SOX6: variants seen among roughly 807,000 people sequenced by gnomAD.
SOX6 encodes SRY-box transcription factor 6.
SOX6 carries 11 observed loss-of-function variants against 97.8 expected under a neutral mutation model. The ratio of observed to expected loss-of-function variants is 0.11; its 90% confidence interval spans 0.07 to 0.19. The LOEUF (loss-of-function observed/expected upper bound fraction) is 0.19. SOX6 is among the 10% of genes least tolerant of loss of function. The pLI is 1.00. For missense variants in SOX6, 810 were observed against 1,039.5 expected (o/e 0.78, Z 3.04); for synonymous variants, 360 against 371.4 (o/e 0.97, Z 0.35).
intron 9 of SOX6, among the ~76,000 whole-genome samples, chr11:16,074,757 T>C (rs1370443459): frequency 6.6e-6 from 1 of 152,176 alleles, no homozygotes; most frequent in Non-Finnish European, 1.5e-5. Flanking sequence ...TGCTCATGGA[T>C]AGGATGACTC....
At chr11:16,706,738 C>T (rs1014694459) in intron 3 of SOX6, among the ~76,000 whole-genome samples, 2 of 150,614 alleles carry the variant, frequency 1.3e-5, no homozygotes, top group South Asian at 2.1e-4. Flanking sequence ...AGACCCTGTA[C>T]ATTTTCATTA....
intron 3 of SOX6, among the ~76,000 whole-genome samples, chr11:16,295,147 G>T (rs1019461039): frequency 6.6e-6 from 1 of 152,074 alleles, no homozygotes. Context: ...AAAAGGAATT[G>T]AGAGAAACTA....
At chr11:16,683,605 A>C (rs1224036772) in intron 3 of SOX6, among the ~76,000 whole-genome samples, 1 of 152,214 alleles carries the variant, frequency 6.6e-6, no homozygotes, top group Non-Finnish European at 1.5e-5. Context: ...TAAAGACTTA[A>C]ATGTTAGACC....
At chr11:16,086,021 C>T (rs1423274742) in intron 9 of SOX6, among the ~76,000 whole-genome samples, 1 of 152,128 alleles carries the variant, frequency 6.6e-6, no homozygotes, top group African/African-American at 2.4e-5. Flanking sequence ...ACACTTTCCC[C>T]ACAAGCTTCA....
intron 2 of SOX6, among the ~76,000 whole-genome samples, chr11:16,735,000 T>G (rs1046673052): frequency 6.6e-6 from 1 of 152,218 alleles, no homozygotes; most frequent in Non-Finnish European, 1.5e-5. Flanking sequence ...CTTATTTTAA[T>G]TATAGGCTTA....
At chr11:16,013,463 C>T (rs552384770) in intron 13 of SOX6, among the ~76,000 whole-genome samples, 5 of 152,070 alleles carry the variant, frequency 3.3e-5, no homozygotes, top group African/African-American at 1.2e-4. Context: ...AACCTCAACC[C>T]TTATCGGTGG....
intron 6 of SOX6, among the ~76,000 whole-genome samples, chr11:16,147,020 T>G (rs1850324753): frequency 6.6e-6 from 1 of 152,182 alleles, no homozygotes; most frequent in African/African-American, 2.4e-5. Context: ...CCCAAAGGAT[T>G]ATAAATCATG....
Position 16,646,471 on chromosome 11 carries a change from GT to G in SOX6, n.430-34212del, listed in dbSNP as rs527659052. On this transcript the variant is annotated intron_variant and non_coding_transcript_variant, in intron 3 of 5. Transcript: ENST00000524520. ...TTTCGTAAGTTTTTTTATTTTCTTT[GT>G]TTTTTTTTTTTATTTCCATAGGTTT... 7.6e-3 allele frequency among the ~76,000 whole-genome samples: 1,088 copies of G among 142,256 alleles called. 4 individuals carry two copies. The highest frequency in any genetic ancestry group is 0.017 in the South Asian group (76 of 4,524). The allele number at this position is 142,256 out of a possible 152,430, so 93.3% of individuals were successfully genotyped here.
At chr11:16,049,301 T>C (rs1034841952) in intron 11 of SOX6, among the ~76,000 whole-genome samples, 1 of 152,190 alleles carries the variant, frequency 6.6e-6, no homozygotes, top group Non-Finnish European at 1.5e-5. Flanking sequence ...CAATAGTATT[T>C]CATATATGTT....
intron 6 of SOX6, among the ~76,000 whole-genome samples, chr11:16,150,399 T>G (rs1234229941): frequency 1.2e-4 from 18 of 152,184 alleles, no homozygotes; most frequent in Non-Finnish European, 1.5e-5. Context: ...GAAGCCACTT[T>G]GGGATGGGAC....
intron 9 of SOX6, among the ~76,000 whole-genome samples, chr11:16,075,682 C>T (rs1365219938): frequency 2.0e-5 from 3 of 151,974 alleles, no homozygotes; most frequent in African/African-American, 7.3e-5. Flanking sequence ...GGAGGGATAG[C>T]GTTAGGAGAA....
At chr11:16,654,815 C>T (rs1847701284) in intron 3 of SOX6, among the ~76,000 whole-genome samples, 1 of 152,178 alleles carries the variant, frequency 6.6e-6, no homozygotes. Context: ...CTTCATTACT[C>T]ATATTCTTCA....
At chr11:16,047,742 G>A (rs1221198968) in intron 11 of SOX6, among the ~76,000 whole-genome samples, 1 of 151,048 alleles carries the variant, frequency 6.6e-6, no homozygotes, top group African/African-American at 2.5e-5. Context: ...GTGTATGTGT[G>A]TGTATACACC....
chr11:16,680,990 A>T (rs1847923218), intron 3 of SOX6, among the ~76,000 whole-genome samples: 1 of 152,108 alleles, frequency 6.6e-6, no homozygotes, highest in African/African-American at 2.4e-5. Context: ...ACAGACTTAG[A>T]CTCCCACACA....
intron 1 of SOX6, among the ~76,000 whole-genome samples, chr11:16,422,873 T>G (rs1396360074): frequency 2.0e-5 from 3 of 152,236 alleles, no homozygotes; most frequent in Non-Finnish European, 4.4e-5. Context: ...GCTACGACTC[T>G]AGTCCAAGCC....
intron 13 of SOX6, among the ~76,000 whole-genome samples, chr11:15,991,418 A>G (rs572186086): frequency 2.3e-4 from 35 of 152,342 alleles, no homozygotes; most frequent in African/African-American, 7.9e-4. Context: ...TGAAACACTC[A>G]TTCAGATACG....
intron 1 of SOX6, among the ~76,000 whole-genome samples, chr11:16,397,164 C>T (rs1341869391): frequency 3.3e-5 from 5 of 151,234 alleles, no homozygotes; most frequent in East Asian, 1.9e-4. Context: ...GGACTTAGTT[C>T]GTTTTAGTAA....
At chr11:16,240,502 T>G (rs999119899) in intron 3 of SOX6, among the ~76,000 whole-genome samples, 2 of 152,038 alleles carry the variant, frequency 1.3e-5, no homozygotes, top group Non-Finnish European at 2.9e-5. Flanking sequence ...ATTTTTTTCA[T>G]AGGCATTCCT....
intron 4 of SOX6, among the ~76,000 whole-genome samples, chr11:16,215,903 G>C (rs1488096936): frequency 6.6e-6 from 1 of 152,192 alleles, no homozygotes; most frequent in Non-Finnish European, 1.5e-5. Flanking sequence ...AGAGTAGTAT[G>C]AAAGATTTGA....
Sources: gnomAD v4.1 joint callset for allele counts (sites outside exome capture counted in the v4.1 genomes callset) on GRCh38, gnomAD v4.1.1 for gene constraint, MANE v1.5 for transcripts, NCBI Gene and HGNC (gene_info 2026-07-23, HGNC 2026-07-21) for gene names.